ANGEL2: variants seen among roughly 807,000 people sequenced by gnomAD.
ANGEL2 encodes the protein angel homolog 2, also known as RNA 2',3'-cyclic phosphatase ANGEL2.
In ANGEL2, 41 loss-of-function variants were observed where a neutral mutation model predicts 66.0. That is an observed-to-expected ratio of 0.62 (90% confidence interval 0.48 to 0.81). The LOEUF (loss-of-function observed/expected upper bound fraction) is 0.81, where lower values mean the gene tolerates loss of function less well. Ranked by LOEUF, ANGEL2 falls within the 30% of genes least tolerant of loss-of-function variation. The probability of loss-of-function intolerance (pLI) is 0.00; values close to 1 mark genes in which losing one functional copy is unlikely to be tolerated. For missense variants in ANGEL2, 561 were observed against 641.6 expected (o/e 0.87, Z 1.36); for synonymous variants, 208 against 226.5 (o/e 0.92, Z 0.73).
At chr1:213,015,461 G>A (rs1268754617) in intron 1 of ANGEL2, 152 bp downstream of exon 1, 8 of 1,449,676 alleles carry the variant, frequency 5.5e-6, no homozygotes, top group Non-Finnish European at 7.3e-6. Flanking sequence ...GTCTCTGGAG[G>A]CTCGTCCCGG....
At chr1:213,015,337 T>G in intron 1 of ANGEL2, 1 of 1,370,510 alleles carries the variant, frequency 7.3e-7, no homozygotes, top group Non-Finnish European at 9.4e-7. Flanking sequence ...AGGCCAGGGA[T>G]CCAAAGCCAC....
chr1:212,995,280 T>C (rs1483892597), intron 8 of ANGEL2, 88 bp from the exon 9 acceptor site: 3 of 1,284,540 alleles, frequency 2.3e-6, no homozygotes, highest in African/African-American at 1.5e-5. Context: ...CAAACAAATA[T>C]AGAACTTGAG....
At chr1:213,015,212 C>T in intron 1 of ANGEL2, 1 of 1,051,224 alleles carries the variant, frequency 9.5e-7, no homozygotes, top group Non-Finnish European at 1.1e-6. Flanking sequence ...GGGATCAGGC[C>T]CGCCGAGACC....
At chr1:213,000,942 T>G in intron 5 of ANGEL2, 30 bp from the exon 6 acceptor site, 1 of 1,597,570 alleles carries the variant, frequency 6.3e-7, no homozygotes, top group Non-Finnish European at 8.5e-7. Context: ...GTATCTTAAG[T>G]GAAAAGATTT....
chr1:213,004,268 A>T (rs112644125), intron 5 of ANGEL2, among the ~76,000 whole-genome samples: 1 of 152,204 alleles, frequency 6.6e-6, no homozygotes, highest in Non-Finnish European at 1.5e-5. Flanking sequence ...ATTTTGGTAA[A>T]TATACTGAAG....
At chr1:212,998,713 A>G (rs2076094952) in intron 7 of ANGEL2, among the ~76,000 whole-genome samples, 1 of 151,016 alleles carries the variant, frequency 6.6e-6, no homozygotes, top group Non-Finnish European at 1.5e-5. Flanking sequence ...TCTTTAGTAG[A>G]GACGCGGTTT....
intron 5 of ANGEL2, 26 bp downstream of exon 5, chr1:213,005,007 C>T (rs770583817): frequency 6.7e-7 from 1 of 1,503,718 alleles, no homozygotes; most frequent in East Asian, 2.3e-5. Flanking sequence ...TGTCCACTCC[C>T]TAATAACAAT....
At chr1:213,014,041 G>C (rs1236566851) in intron 1 of ANGEL2, among the ~76,000 whole-genome samples, 1 of 152,162 alleles carries the variant, frequency 6.6e-6, no homozygotes, top group East Asian at 1.9e-4. Flanking sequence ...TGGGGGAAAT[G>C]AAAGAGGATG....
rs781653829 is a variant in ANGEL2, at chr1:213,005,385, G to C, written c.782C>G (p.Ser261Cys). 4.3e-6 allele frequency: 7 copies of C among 1,613,986 alleles called. No individual in the cohort carries two copies. Among genetic ancestry groups the C allele is most frequent in the Admixed American group, 1.7e-5 (1 of 59,994 alleles). Residue 261 changes from serine to cysteine, a missense_variant, in exon 5 of 9, where the codon TCC (serine) becomes TGC (cysteine). Physicochemically the swap from Ser to Cys is moderately radical, Grantham distance 112. Transcript: ENST00000366962. ...GTTCACTGACAAGAGTGAAAATTTG[G>C]AATGTTTGAAGCAAATAGCACAGCC... ...PDGCAICFKHSKFSLLSVNPV... is the reference protein window; with the variant it reads ...PDGCAICFKHCKFSLLSVNPV...
Position 213,015,860 on chromosome 1 carries a change from C to G in ANGEL2, c.-189G>C. ...ACACTCCATCTTGCGCAGTCAGAGT[C>G]CCTGAATGCCTTAACCCGGAATTCT... On this transcript the variant is annotated 5_prime_UTR_variant, in exon 1 of 9. Transcript: ENST00000366962. 5 of 657,856 alleles carry G rather than the reference C, an allele frequency of 7.6e-6. No homozygotes were observed. Among genetic ancestry groups the G allele is most frequent in the Non-Finnish European group, 1.0e-5 (4 of 391,134 alleles). 40.8% of individuals were successfully genotyped at this position (657,856 alleles called of 1,614,324 possible).
chr1:213,001,234 T>A, intron 5 of ANGEL2: 1 of 271,406 alleles, frequency 3.7e-6, no homozygotes, highest in Non-Finnish European at 7.0e-6. Context: ...GTATCAAATA[T>A]AGGCATGCTC....
In ANGEL2 at chr1:212,992,496, G is replaced by C. The variant is rs1021066348; in HGVS notation, c.*2545C>G. On this transcript the variant is annotated 3_prime_UTR_variant, in exon 9 of 9. Coordinates refer to ENST00000366962, the MANE Select transcript of ANGEL2 (RefSeq NM_144567.5). Reference sequence around the variant, plus strand: ...TAACCAGATTTAATTGTTTTTGGCAGGTAAGTACAGGCTCTGGCAGAGTTA... The same window carrying C: ...TAACCAGATTTAATTGTTTTTGGCACGTAAGTACAGGCTCTGGCAGAGTTA... 6.6e-6 allele frequency: 1 copy of C among 152,200 alleles called. No homozygotes were observed. The highest frequency in any genetic ancestry group is 6.5e-5 in the Admixed American group (1 of 15,282). 9.4% of individuals were successfully genotyped at this position (152,200 alleles called of 1,614,324 possible). A position where few individuals can be genotyped will look rare whatever the true frequency, so the allele number is the denominator to read the frequency against.
At chr1:212,997,807 T>C (rs1448218412) in intron 7 of ANGEL2, among the ~76,000 whole-genome samples, 1 of 152,214 alleles carries the variant, frequency 6.6e-6, no homozygotes, top group African/African-American at 2.4e-5. Flanking sequence ...TGCACAAATA[T>C]ATGTGATGTT....
chr1:213,013,163 C>CA lies in ANGEL2; in HGVS notation c.314dup (p.Leu105PhefsTer6). Reference sequence around the variant, plus strand: ...TCATGACGTAACTAGAGAGATGAATCAAAGATGTCTGGCTCAGGTTGTCAG... The same window carrying CA: ...TCATGACGTAACTAGAGAGATGAATCAAAAGATGTCTGGCTCAGGTTGTCAG... On this transcript the variant is annotated frameshift_variant, in exon 2 of 9. Transcript: ENST00000366962. LOFTEE classifies it high-confidence loss of function. 1 of 1,614,102 alleles carries CA rather than the reference C, an allele frequency of 6.2e-7. No homozygotes were observed. Among genetic ancestry groups the CA allele is most frequent in the Non-Finnish European group, 8.5e-7 (1 of 1,180,020 alleles).
rs1050026358 is a variant in ANGEL2, at chr1:212,992,846, T to A, written c.*2195A>T. The A allele has an allele frequency of 3.3e-5, 5 of 152,178 alleles. No individual in the cohort carries two copies. The highest frequency in any genetic ancestry group is 1.2e-4 in the African/African-American group (5 of 41,424). 9.4% of individuals were successfully genotyped at this position (152,178 alleles called of 1,614,324 possible). A position where few individuals can be genotyped will look rare whatever the true frequency, so the allele number is the denominator to read the frequency against. ...AAATTCACACAACACAAAGCAGTAA[T>A]TAACTAATGAATTTTCATTTTTCTT... On this transcript the variant is annotated 3_prime_UTR_variant, in exon 9 of 9. Transcript: ENST00000366962.
chr1:212,996,164 G>C (rs369674197), intron 8 of ANGEL2, among the ~76,000 whole-genome samples: 2 of 152,038 alleles, frequency 1.3e-5, no homozygotes, highest in Non-Finnish European at 2.9e-5. Flanking sequence ...AAAATTAGCC[G>C]GGCATGGTGG....
rs940552025 is a variant in ANGEL2 at position 212,994,001 on chromosome 1, T to C, written c.*1040A>G. 7 of 152,220 alleles carry C rather than the reference T, an allele frequency of 4.6e-5. No homozygotes were observed. Among genetic ancestry groups the C allele is most frequent in the African/African-American group, 1.4e-4 (6 of 41,456 alleles). 9.4% of individuals were successfully genotyped at this position (152,220 alleles called of 1,614,324 possible). On this transcript the variant is annotated 3_prime_UTR_variant, in exon 9 of 9. Transcript: ENST00000366962. ...TTAAAACTGAATTTTTAAAAAATGC[T>C]GCCATGTGCAGTGGCTCCCGCCTGT...
chr1:213,005,344 G>A lies in ANGEL2; in HGVS notation c.823C>T (p.Arg275Cys), dbSNP rs750306674. Residue 275 changes from arginine to cysteine, a missense_variant, in exon 5 of 9, where the codon CGC becomes TGC. Arg to Cys is a radical substitution (Grantham distance 180). Transcript: ENST00000366962. Reference sequence around the variant, plus strand: ...CTGTCCAACAGAGAAATATCAGGGCGGAAGAATTCCACTGGGTTCACTGAC... The same window carrying A: ...CTGTCCAACAGAGAAATATCAGGGCAGAAGAATTCCACTGGGTTCACTGAC... The part of the protein sequence containing the change: ...LLSVNPVEFF[R>C]PDISLLDRDN... 2.6e-5 allele frequency: 42 copies of A among 1,614,074 alleles called. No individual in the cohort carries two copies. The highest frequency in any genetic ancestry group is 1.2e-4 in the Admixed American group (7 of 59,994).
intron 5 of ANGEL2, 76 bp downstream of exon 5, chr1:213,004,957 T>C: frequency 1.7e-6 from 2 of 1,199,166 alleles, no homozygotes; most frequent in Non-Finnish European, 1.1e-6. Flanking sequence ...CAAATAGCCA[T>C]GTAATGACTA....
Sources: allele counts gnomAD v4.1 joint callset (sites outside exome capture counted in the v4.1 genomes callset), GRCh38; gene constraint gnomAD v4.1.1; transcripts MANE v1.5; gene names NCBI Gene and HGNC (gene_info 2026-07-23, HGNC 2026-07-21).